NIPBL: variants seen among roughly 807,000 people sequenced by gnomAD.
NIPBL encodes nipped-B-like protein.
Under a neutral mutation model 321.8 loss-of-function variants are expected in NIPBL, and 19 were observed. The observed-to-expected ratio is 0.06, with a 90% CI of 0.04 to 0.09. The LOEUF (loss-of-function observed/expected upper bound fraction) is 0.09. Among genes scored for constraint, NIPBL ranks in the 10% least tolerant of loss-of-function variants. NIPBL has a pLI of 1.00. For missense variants in NIPBL, 2,210 were observed against 3,327.0 expected, an observed-to-expected ratio of 0.66 and a Z score of 8.26; for synonymous variants, 1,106 against 1,114.1, an observed-to-expected ratio of 0.99 and a Z score of 0.14.
intron 21 of NIPBL, 141 bp from the exon 22 acceptor site, chr5:37,014,542 T>C (rs2149688369): frequency 3.5e-6 from 2 of 564,130 alleles, no homozygotes; most frequent in East Asian, 5.9e-5. Flanking sequence ...TAATTTTGGC[T>C]TCTCTTATTA....
intron 31 of NIPBL, among the ~76,000 whole-genome samples, chr5:37,026,550 GA>G (rs1750290498): frequency 6.6e-6 from 1 of 152,134 alleles, no homozygotes; most frequent in African/African-American, 2.4e-5. Context: ...TGTAAACACT[GA>G]TACTGAGATT....
intron 32 of NIPBL, among the ~76,000 whole-genome samples, chr5:37,034,846 A>G (rs1751505012): frequency 1.3e-5 from 2 of 152,190 alleles, no homozygotes; most frequent in Non-Finnish European, 1.5e-5. Context: ...ATTATTTATT[A>G]GTAAATTAGA....
intron 23 of NIPBL, 108 bp from the exon 24 acceptor site, chr5:37,016,911 A>AT: frequency 1.2e-6 from 1 of 863,990 alleles, no homozygotes; most frequent in Non-Finnish European, 1.7e-6. Flanking sequence ...GAAAAAAAAA[A>AT]GTTTAAATTT....
intron 33 of NIPBL, among the ~76,000 whole-genome samples, chr5:37,036,689 G>A (rs1579524871): frequency 6.7e-6 from 1 of 149,330 alleles, no homozygotes; most frequent in South Asian, 2.1e-4. Flanking sequence ...ATTATCTAGA[G>A]CATTGTAATA....
intron 10 of NIPBL, among the ~76,000 whole-genome samples, chr5:36,990,300 A>C (rs1371235256): frequency 6.6e-6 from 1 of 152,220 alleles, no homozygotes; most frequent in African/African-American, 2.4e-5. Flanking sequence ...AATGCTGATA[A>C]CTATCATCAG....
At chr5:37,010,512 C>A (rs1380563631) in intron 21 of NIPBL, among the ~76,000 whole-genome samples, 1 of 152,048 alleles carries the variant, frequency 6.6e-6, no homozygotes, top group Non-Finnish European at 1.5e-5. Context: ...GACGGGTTTT[C>A]GCCATGTTGG....
In NIPBL at chr5:37,049,181, C is replaced by T. The variant is rs959475591; in HGVS notation, c.6834C>T (p.Ile2278=). 3 of 1,614,152 alleles carry T rather than the reference C, an allele frequency of 1.9e-6. No homozygotes were observed. Among genetic ancestry groups the T allele is most frequent in the Non-Finnish European group, 2.5e-6 (3 of 1,180,008 alleles). The change falls in exon 40 of 47, where the codon ATC becomes ATT. Residue 2278 remains isoleucine, a synonymous_variant. Coordinates refer to ENST00000282516, the MANE Select transcript of NIPBL (RefSeq NM_133433.4). ...TTTCCTCAGGGATGAGTAGTTCCAT[C>T]ATGCAGCTTTATCTCAAACAGGTGC... ...GDVSSGMSSS[I]MQLYLKQVLE...
intron 14 of NIPBL, among the ~76,000 whole-genome samples, chr5:37,001,950 C>G (rs1037265365): frequency 2.6e-4 from 40 of 152,066 alleles, no homozygotes; most frequent in South Asian, 2.1e-4. Flanking sequence ...TCAGTTTCAT[C>G]TTTTTTAAAA....
At chr5:37,016,907 A>C (rs1234028629) in intron 23 of NIPBL, 112 bp from the exon 24 acceptor site, 1 of 856,152 alleles carries the variant, frequency 1.2e-6, no homozygotes, top group Non-Finnish European at 1.7e-6. Context: ...ACAGGAAAAA[A>C]AAAAGTTTAA....
At chr5:36,899,938 A>G (rs1747074124) in intron 1 of NIPBL, among the ~76,000 whole-genome samples, 1 of 152,206 alleles carries the variant, frequency 6.6e-6, no homozygotes, top group Non-Finnish European at 1.5e-5. Flanking sequence ...GGAGTTAAAC[A>G]GAAAAGTATT....
intron 3 of NIPBL, among the ~76,000 whole-genome samples, chr5:36,956,748 C>T (rs1419133487): frequency 6.6e-6 from 1 of 150,490 alleles, no homozygotes; most frequent in African/African-American, 2.4e-5. Context: ...TCTCAACCTC[C>T]TGAGTAGCTG....
chr5:36,965,958 G>A (rs541526296), intron 6 of NIPBL, among the ~76,000 whole-genome samples: 1 of 152,088 alleles, frequency 6.6e-6, no homozygotes, highest in Middle Eastern at 3.4e-3. Flanking sequence ...ATTTAACCAT[G>A]CAGAAAAGTT....
intron 41 of NIPBL, 35 bp from the exon 42 acceptor site, chr5:37,052,331 T>A: frequency 6.4e-7 from 1 of 1,551,188 alleles, no homozygotes; most frequent in South Asian, 1.1e-5. Flanking sequence ...GTCTTTTAAT[T>A]TCCCTGACAA....
chr5:37,033,679 T>G (rs1450923941), intron 32 of NIPBL, among the ~76,000 whole-genome samples: 1 of 107,396 alleles, frequency 9.3e-6, no homozygotes, highest in Non-Finnish European at 1.7e-5. Flanking sequence ...TGTGTGTATA[T>G]GTACATACAC....
At chr5:36,881,278 G>A (rs1745481340) in intron 1 of NIPBL, among the ~76,000 whole-genome samples, 1 of 150,480 alleles carries the variant, frequency 6.6e-6, no homozygotes, top group South Asian at 2.1e-4. Context: ...GTAATTTTAG[G>A]TATTTGTCTT....
chr5:36,940,374 C>T (rs1352522695), intron 1 of NIPBL, among the ~76,000 whole-genome samples: 1 of 152,162 alleles, frequency 6.6e-6, no homozygotes, highest in Non-Finnish European at 1.5e-5. Flanking sequence ...TTCAGCTTGT[C>T]TGTCAGGTCA....
intron 1 of NIPBL, among the ~76,000 whole-genome samples, chr5:36,946,900 G>A (rs1739748408): frequency 6.6e-6 from 1 of 151,242 alleles, no homozygotes. Flanking sequence ...CAGTGTAGAT[G>A]TTTCTCAGTT....
chr5:37,006,797 G>C (rs1382637814), intron 17 of NIPBL, among the ~76,000 whole-genome samples: 1 of 151,762 alleles, frequency 6.6e-6, no homozygotes, highest in African/African-American at 2.4e-5. Flanking sequence ...TACTTGTCAG[G>C]GAAAATCTCA....
chr5:37,053,281 G>A (rs888383342), intron 42 of NIPBL, among the ~76,000 whole-genome samples: 3 of 152,080 alleles, frequency 2.0e-5, no homozygotes, highest in Non-Finnish European at 4.4e-5. Context: ...ACAATGGTAA[G>A]TATTCATGTA....
Sources: allele counts gnomAD v4.1 joint callset (sites outside exome capture counted in the v4.1 genomes callset), GRCh38; gene constraint gnomAD v4.1.1; transcripts MANE v1.5; gene names NCBI Gene and HGNC (gene_info 2026-07-23, HGNC 2026-07-21).